HAPLN2: variants seen among roughly 807,000 people sequenced by gnomAD.
The protein encoded by HAPLN2 is brain link protein-1.
A neutral mutation model predicts 29.3 loss-of-function variants in HAPLN2; 27 were observed. That is an observed-to-expected ratio of 0.92 (90% confidence interval 0.68 to 1.27). HAPLN2 has a LOEUF of 1.27. Ranked by LOEUF, HAPLN2 falls within the 50% of genes most tolerant of loss-of-function variation. The pLI is 0.00. For missense variants in HAPLN2, 454 were observed against 484.3 expected (o/e 0.94, Z 0.59); for synonymous variants, 208 against 211.7 (o/e 0.98, Z 0.15).
the HAPLN2 span, among the ~76,000 whole-genome samples, chr1:156,605,812 C>T: frequency 1.3e-5 from 2 of 152,000 alleles, no homozygotes; most frequent in South Asian, 2.1e-4. Context: ...TGATTTTGCA[C>T]GAGAGTGCCA....
At chr1:156,609,747 C>T in the HAPLN2 span, among the ~76,000 whole-genome samples, 3 of 152,196 alleles carry the variant, frequency 2.0e-5, no homozygotes, top group East Asian at 5.8e-4. Context: ...ACAATAGACA[C>T]CAGGCCTACT....
chr1:156,624,909 G>GGGCGCC, intron 6 of HAPLN2, 126 bp downstream of exon 6: 2 of 999,518 alleles, frequency 2.0e-6, no homozygotes, highest in Non-Finnish European at 2.8e-6. Context: ...CCCCCCATCA[G>GGGCGCC]CCCGCCCGCC....
chr1:156,609,930 T>C, the HAPLN2 span, among the ~76,000 whole-genome samples: 1 of 152,066 alleles, frequency 6.6e-6, no homozygotes, highest in African/African-American at 2.4e-5. Context: ...AAAAAACAAA[T>C]ACAGGCTGGG....
At chr1:156,622,589 C>T (rs1030719836) in intron 2 of HAPLN2, among the ~76,000 whole-genome samples, 1 of 152,062 alleles carries the variant, frequency 6.6e-6, no homozygotes, top group African/African-American at 2.4e-5. Context: ...TGAATGCAAA[C>T]TTGGACTGTG....
chr1:156,602,437 G>A, the HAPLN2 span, among the ~76,000 whole-genome samples: 4 of 151,642 alleles, frequency 2.6e-5, no homozygotes, highest in Admixed American at 2.6e-4. Context: ...GTGAGACGCG[G>A]TGGCTCATGC....
At chr1:156,624,880 G>T in intron 6 of HAPLN2, 97 bp downstream of exon 6, 1 of 1,374,720 alleles carries the variant, frequency 7.3e-7, no homozygotes, top group South Asian at 1.5e-5. Flanking sequence ...AGGGTCTCCG[G>T]GTCCCTCCAA....
intron 2 of HAPLN2, among the ~76,000 whole-genome samples, chr1:156,621,927 G>A (rs1282090811): frequency 1.3e-5 from 2 of 151,388 alleles, no homozygotes; most frequent in African/African-American, 4.9e-5. Context: ...CTGTGCTCCA[G>A]CCTGGGCAAC....
chr1:156,625,356 A>G lies in HAPLN2; in HGVS notation c.995A>G (p.Tyr332Cys), dbSNP rs756191218. 44 of 1,602,514 alleles carry G rather than the reference A, an allele frequency of 2.7e-5. No homozygotes were observed. Among genetic ancestry groups the G allele is most frequent in the Non-Finnish European group, 3.4e-5 (40 of 1,175,318 alleles). Residue 332 changes from tyrosine to cysteine, a missense_variant, in exon 7 of 7, where the codon TAT becomes TGT. Transcript: ENST00000255039. This position sits in a 1 kb window ranked among gnomAD's most constrained non-coding sequence, Gnocchi z 5.7. ...TTCCCCAGGCCCCAACAGGCAGCCT[A>G]TGGGACCTACTGCTACGCCGAGAAT... ...FGFPRPQQAA[Y>C]GTYCYAEN
In HAPLN2 at chr1:156,623,920, A is replaced by G; in HGVS notation, c.199A>G (p.Lys67Glu). 4 of 1,605,594 alleles carry G rather than the reference A, an allele frequency of 2.5e-6. No individual in the cohort carries two copies. Among genetic ancestry groups the G allele is most frequent in the Non-Finnish European group, 3.4e-6 (4 of 1,176,066 alleles). ...CVLGTTPPSY[K>E]VRWSKVEPGE... ...CCTGGGCACCACGCCTCCCAGCTAC[A>G]AGGTGCGCTGGAGCAAGGTGGAGCC... The change falls in exon 4 of 7, where the codon AAG becomes GAG. Residue 67 changes from lysine (K) to glutamate (E), a missense_variant. By Grantham distance (56) the Lys-to-Glu change is moderately conservative. Transcript: ENST00000255039.
chr1:156,605,735 G>A, the HAPLN2 span, among the ~76,000 whole-genome samples: 1 of 152,148 alleles, frequency 6.6e-6, no homozygotes, highest in Non-Finnish European at 1.5e-5. Context: ...TTTCAAAGAG[G>A]ATAGACATAT....
the HAPLN2 span, among the ~76,000 whole-genome samples, chr1:156,611,520 G>A: frequency 1.3e-5 from 2 of 152,062 alleles, no homozygotes; most frequent in Admixed American, 6.6e-5. Context: ...AGCTGAGATC[G>A]TGCCATTGCA....
upstream of HAPLN2, chr1:156,614,935 T>A (rs1678023644): frequency 6.6e-6 from 1 of 152,198 alleles, no homozygotes; most frequent in Non-Finnish European, 1.5e-5. Context: ...CCTTTTACTG[T>A]TCCTTGTGCT....
the HAPLN2 span, among the ~76,000 whole-genome samples, chr1:156,608,731 C>T: frequency 2.6e-5 from 4 of 151,944 alleles, no homozygotes; most frequent in South Asian, 2.1e-4. Flanking sequence ...TTAGTAGAGA[C>T]GGGGTTTCAC....
chr1:156,612,842 A>T, the HAPLN2 span, among the ~76,000 whole-genome samples: 16 of 152,214 alleles, frequency 1.1e-4, no homozygotes, highest in African/African-American at 3.6e-4. Flanking sequence ...TAATTCTGCC[A>T]GTGGATTTAT....
Position 156,624,116 on chromosome 1 carries a change from ACG to A in HAPLN2, c.396_397del (p.Asn132LysfsTer63), listed in dbSNP as rs1557976742. ...GGCCGGTACCGCTGCGAGCTCATCA[ACG>A]GCATCGAGGACGAGAGCGTGGCGCT... is the stretch of plus-strand genomic sequence containing the variant. On this transcript the variant is annotated frameshift_variant, in exon 4 of 7. Transcript: ENST00000255039. LOFTEE classifies it high-confidence loss of function. 2 of 1,613,686 alleles carry A rather than the reference ACG, an allele frequency of 1.2e-6. No individual in the cohort carries two copies. Among genetic ancestry groups the A allele is most frequent in the Admixed American group, 1.7e-5 (1 of 60,002 alleles).
chr1:156,625,527 G>C lies in HAPLN2; in HGVS notation c.*143G>C. 1.2e-6 allele frequency: 1 copy of C among 860,216 alleles called. No homozygotes were observed. Among genetic ancestry groups the C allele is most frequent in the East Asian group, 3.3e-5 (1 of 30,760 alleles). The allele number at this position is 860,216 out of a possible 1,614,324, so 53.3% of individuals were successfully genotyped here. A position where few individuals can be genotyped will look rare whatever the true frequency, so the allele number is the denominator to read the frequency against. ...ACCTGCCTTCCCAGCCGGGGGCTGC[G>C]GGCCTCGGACCCCGGCTGGCCCGGC... On this transcript the variant is annotated 3_prime_UTR_variant, in exon 7 of 7. Coordinates refer to ENST00000255039, the MANE Select transcript of HAPLN2 (RefSeq NM_021817.3). This position sits in a 1 kb window ranked among gnomAD's most constrained non-coding sequence, Gnocchi z 5.7.
At chr1:156,623,608 A>G in intron 3 of HAPLN2, 33 bp downstream of exon 3, 1 of 1,612,622 alleles carries the variant, frequency 6.2e-7, no homozygotes, top group Non-Finnish European at 8.5e-7. Flanking sequence ...AATCTGGGGG[A>G]GGCTTGGGGA....
the HAPLN2 span, among the ~76,000 whole-genome samples, chr1:156,608,925 T>C: frequency 1.3e-5 from 2 of 152,196 alleles, no homozygotes; most frequent in Admixed American, 6.5e-5. Flanking sequence ...TCAGTAAAGA[T>C]GCTGTGGAAA....
chr1:156,623,991 C>A lies in HAPLN2; in HGVS notation c.270C>A (p.His90Gln). 1.2e-6 allele frequency: 2 copies of A among 1,608,100 alleles called. No individual in the cohort carries two copies. Among genetic ancestry groups the A allele is most frequent in the Non-Finnish European group, 1.7e-6 (2 of 1,177,228 alleles). The change falls in exon 4 of 7, where the codon CAC becomes CAA. Residue 90 changes from histidine (H) to glutamine (Q), a missense_variant. By Grantham distance (24) the His-to-Gln change is conservative. Coordinates refer to ENST00000255039, the MANE Select transcript of HAPLN2 (RefSeq NM_021817.3). ...ETLILITNGL[H>Q]ARGYGPLGGR... ...TGATCCTCATCACCAACGGACTGCACGCCCGGGGGTATGGGCCCCTGGGAG... is the reference window on the plus strand; with the variant it reads ...TGATCCTCATCACCAACGGACTGCAAGCCCGGGGGTATGGGCCCCTGGGAG...
Sources: gnomAD v4.1 joint callset for allele counts (sites outside exome capture counted in the v4.1 genomes callset) on GRCh38, gnomAD v4.1.1 for gene constraint, Gnocchi (gnomAD v3.1) non-coding constraint, MANE v1.5 for transcripts, NCBI Gene and HGNC (gene_info 2026-07-23, HGNC 2026-07-21) for gene names.